The following TMPRSS11F variants were observed in gnomAD, a reference collection of about 807,000 sequenced individuals.
TMPRSS11F encodes transmembrane serine protease 11F.
A neutral mutation model predicts 60.2 loss-of-function variants in TMPRSS11F; 47 were observed. The observed-to-expected ratio is 0.78, with a 90% CI of 0.62 to 1.00. The LOEUF (loss-of-function observed/expected upper bound fraction) is 1.00. Ranked by LOEUF, TMPRSS11F falls within the 50% of genes least tolerant of loss-of-function variation. The pLI is 0.00. For missense variants in TMPRSS11F, 519 were observed against 522.9 expected (o/e 0.99, Z 0.07); for synonymous variants, 166 against 167.3 (o/e 0.99, Z 0.06).
chr4:68,060,310 A>G (rs1723135483), intron 8 of TMPRSS11F, among the ~76,000 whole-genome samples: 1 of 150,746 alleles, frequency 6.6e-6, no homozygotes, highest in Non-Finnish European at 1.5e-5. Context: ...GATCGAGACC[A>G]TCCTGACTAA....
intron 7 of TMPRSS11F, among the ~76,000 whole-genome samples, chr4:68,065,598 A>C (rs1433526107): frequency 1.3e-5 from 2 of 152,102 alleles, no homozygotes; most frequent in Non-Finnish European, 2.9e-5. Flanking sequence ...ATCACCAGCA[A>C]ATTCTAGCTA....
At chr4:68,123,956 C>A (rs1724668291) in intron 1 of TMPRSS11F, among the ~76,000 whole-genome samples, 1 of 152,148 alleles carries the variant, frequency 6.6e-6, no homozygotes, top group Admixed American at 6.5e-5. Flanking sequence ...CACGGTGGCT[C>A]ATGCCTGTAA....
At position 68,056,312 on chromosome 4, in the gene TMPRSS11F, C is replaced by G. The variant is rs79562204; in HGVS notation, c.1159-2245G>C. On this transcript the variant is annotated intron_variant, in intron 9 of 9. Transcript: ENST00000356291. ...ACAAAAAGCTGTTAGAAGAGATAAA[C>G]AAATTCAGTAAGTTTGCAGAATACA... is the stretch of plus-strand genomic sequence containing the variant. 1.7e-3 allele frequency among the ~76,000 whole-genome samples: 257 copies of G among 151,696 alleles called. 2 individuals carry two copies. Among genetic ancestry groups the G allele is most frequent in the Non-Finnish European group, 3.0e-3 (203 of 67,890 alleles).
chr4:68,102,049 T>C (rs1354994620), intron 1 of TMPRSS11F, among the ~76,000 whole-genome samples: 2 of 152,294 alleles, frequency 1.3e-5, no homozygotes, highest in Non-Finnish European at 2.9e-5. Context: ...TTTTAAAAAA[T>C]ATTACACATC....
At chr4:68,063,634 C>T (rs1443193238) in intron 8 of TMPRSS11F, among the ~76,000 whole-genome samples, 1 of 152,136 alleles carries the variant, frequency 6.6e-6, no homozygotes, top group Non-Finnish European at 1.5e-5. Flanking sequence ...CCGACTCGGC[C>T]TCTCAAAGTG....
At chr4:68,082,376 G>A (rs147028765) in intron 3 of TMPRSS11F, among the ~76,000 whole-genome samples, 5 of 152,124 alleles carry the variant, frequency 3.3e-5, no homozygotes, top group Admixed American at 2.6e-4. Context: ...AGCAAAACAT[G>A]GCCACAGGAA....
intron 1 of TMPRSS11F, among the ~76,000 whole-genome samples, chr4:68,100,043 CAAAA>C (rs75779257): frequency 4.5e-5 from 4 of 88,512 alleles, no homozygotes; most frequent in Non-Finnish European, 4.8e-5. Flanking sequence ...CTCACCAGGT[CAAAA>C]AAAAAAAAAG....
At chr4:68,083,291 A>T in intron 3 of TMPRSS11F, among the ~76,000 whole-genome samples, 1 of 152,186 alleles carries the variant, frequency 6.6e-6, no homozygotes, top group East Asian at 1.9e-4. Flanking sequence ...TTGAGGCTAA[A>T]GAAATGAGGG....
At chr4:68,099,864 T>A (rs929522953) in intron 1 of TMPRSS11F, among the ~76,000 whole-genome samples, 1 of 152,144 alleles carries the variant, frequency 6.6e-6, no homozygotes, top group African/African-American at 2.4e-5. Context: ...GTCTTTGGGA[T>A]GCCCACACTT....
At chr4:68,074,082 T>C in intron 3 of TMPRSS11F, 73 bp from the exon 4 acceptor site, 3 of 935,100 alleles carry the variant, frequency 3.2e-6, no homozygotes, top group Non-Finnish European at 4.7e-6. Flanking sequence ...TTAAAAGAAG[T>C]ATTAGTCTTA....
At chr4:68,103,944 T>C (rs1160908027) in intron 1 of TMPRSS11F, among the ~76,000 whole-genome samples, 1 of 152,204 alleles carries the variant, frequency 6.6e-6, no homozygotes, top group African/African-American at 2.4e-5. Flanking sequence ...TCTTCATTTA[T>C]TTTTCAATTA....
At position 68,102,593 on chromosome 4, in the gene TMPRSS11F, T is replaced by C. The variant is rs533019457; in HGVS notation, c.12-3555A>G. ...TAATGATGTTGAGAACCTTTTCATA[T>C]ACTGTTGACCATTTTTATGTCTTCT... On this transcript the variant is annotated intron_variant, in intron 1 of 9. Coordinates refer to ENST00000356291, the MANE Select transcript of TMPRSS11F (RefSeq NM_207407.2). 1.1e-4 allele frequency among the ~76,000 whole-genome samples: 17 copies of C among 152,336 alleles called. No homozygotes were observed. In the East Asian group the frequency reaches 1.9e-3, roughly 17 times the overall value.
chr4:68,087,140 C>T (rs1293625889), intron 3 of TMPRSS11F, among the ~76,000 whole-genome samples: 1 of 152,106 alleles, frequency 6.6e-6, no homozygotes, highest in Non-Finnish European at 1.5e-5. Context: ...ACCAGCAAAC[C>T]AAATCTAGCT....
At chr4:68,077,317 G>A (rs539738759) in intron 3 of TMPRSS11F, 2 of 152,422 alleles carry the variant, frequency 1.3e-5, no homozygotes, top group South Asian at 4.1e-4. Flanking sequence ...GGGAAGTGAT[G>A]TTGGCCCAGG....
intron 1 of TMPRSS11F, among the ~76,000 whole-genome samples, chr4:68,114,242 A>G (rs1176077007): frequency 1.3e-5 from 2 of 151,914 alleles, no homozygotes; most frequent in South Asian, 2.1e-4. Flanking sequence ...AAAAGCAGAA[A>G]AAAGGAAATA....
chr4:68,058,760 G>A (rs1244293829), intron 9 of TMPRSS11F, among the ~76,000 whole-genome samples: 1 of 152,192 alleles, frequency 6.6e-6, no homozygotes. Context: ...AGTGTATATA[G>A]GGAAGCAGTA....
At chr4:68,089,267 T>C (rs1202617697) in intron 3 of TMPRSS11F, among the ~76,000 whole-genome samples, 3 of 152,138 alleles carry the variant, frequency 2.0e-5, no homozygotes, top group Non-Finnish European at 4.4e-5. Context: ...CCATGAACTT[T>C]TTCTTAGTAA....
chr4:68,085,795 T>C (rs1178714242), intron 3 of TMPRSS11F, among the ~76,000 whole-genome samples: 2 of 152,116 alleles, frequency 1.3e-5, no homozygotes, highest in Non-Finnish European at 2.9e-5. Context: ...GGCCATTACA[T>C]AATGATAAAA....
chr4:68,092,534 G>T (rs199684246), intron 2 of TMPRSS11F, among the ~76,000 whole-genome samples: 2 of 152,066 alleles, frequency 1.3e-5, no homozygotes, highest in African/African-American at 4.8e-5. Flanking sequence ...TGGCTGTTTT[G>T]CTGACAATTG....
Sources: gnomAD v4.1 joint callset for allele counts (sites outside exome capture counted in the v4.1 genomes callset) on GRCh38, gnomAD v4.1.1 for gene constraint, MANE v1.5 for transcripts, NCBI Gene and HGNC (gene_info 2026-07-23, HGNC 2026-07-21) for gene names.